Variants in PLPP4 observed in about 807,000 individuals in gnomAD.
PLPP4 encodes the protein diacylglycerol pyrophosphate like 2.
PLPP4 carries 20 observed loss-of-function variants against 32.2 expected under a neutral mutation model. The ratio of observed to expected loss-of-function variants is 0.62; its 90% CI spans 0.44 to 0.90. The LOEUF (loss-of-function observed/expected upper bound fraction) is 0.90, where lower values mean the gene tolerates loss of function less well. Among genes scored for constraint, PLPP4 ranks in the 40% least tolerant of loss-of-function variants. The probability of loss-of-function intolerance (pLI) is 0.00; values close to 1 mark genes in which losing one functional copy is unlikely to be tolerated. For missense variants in PLPP4, 257 were observed against 353.1 expected, an observed-to-expected ratio of 0.73 and a Z score of 2.18; for synonymous variants, 127 against 133.0, an observed-to-expected ratio of 0.95 and a Z score of 0.31.
rs1849991140 is a variant in PLPP4 at position 120,591,426 on chromosome 10, A to G, written c.*1924A>G. On this transcript the variant is annotated 3_prime_UTR_variant, in exon 7 of 7. Transcript: ENST00000398250. Reference sequence around the variant, plus strand: ...ATTATAGCAGTTACATTGGCAAGCAACTTTGAAGATGAATGTGAGATATTT... The same window carrying G: ...ATTATAGCAGTTACATTGGCAAGCAGCTTTGAAGATGAATGTGAGATATTT... 6.6e-6 allele frequency among the ~76,000 whole-genome samples: 1 copy of G among 152,230 alleles called. No individual in the cohort carries two copies. The highest frequency in any genetic ancestry group is 2.1e-4 in the South Asian group (1 of 4,830).
chr10:120,549,541 C>G (rs4523613), intron 5 of PLPP4, among the ~76,000 whole-genome samples: 56,809 of 151,474 alleles, frequency 0.38, 10,727 homozygotes, highest in East Asian at 0.55. Context: ...TAGGATAATC[C>G]TGATAACAAA....
At chr10:120,574,913 A>T (rs1166683677) in intron 5 of PLPP4, among the ~76,000 whole-genome samples, 3 of 152,174 alleles carry the variant, frequency 2.0e-5, no homozygotes, top group African/African-American at 4.8e-5. Flanking sequence ...GAAATAAAAT[A>T]GGTTTTGATC....
chr10:120,574,285 T>C (rs972173005), intron 5 of PLPP4, among the ~76,000 whole-genome samples: 3 of 149,550 alleles, frequency 2.0e-5, no homozygotes, highest in Admixed American at 1.3e-4. Flanking sequence ...TCAGTATTTT[T>C]TAAAGCTTCC....
intron 5 of PLPP4, among the ~76,000 whole-genome samples, chr10:120,537,350 C>T (rs371010455): frequency 2.0e-4 from 31 of 152,180 alleles, no homozygotes; most frequent in East Asian, 1.2e-3. Context: ...GAATATTATT[C>T]AGCTTCAAAA....
chr10:120,526,187 G>C (rs1846382614), intron 5 of PLPP4, among the ~76,000 whole-genome samples: 1 of 151,990 alleles, frequency 6.6e-6, no homozygotes, highest in South Asian at 2.1e-4. Flanking sequence ...GCTCTTTCTT[G>C]AACTCTGATT....
intron 5 of PLPP4, among the ~76,000 whole-genome samples, chr10:120,572,473 G>C (rs1189222488): frequency 6.6e-6 from 1 of 152,192 alleles, no homozygotes; most frequent in African/African-American, 2.4e-5. Context: ...GCTGCCCTAT[G>C]TTCATTGATT....
chr10:120,457,552 C>T (rs1847845305), intron 1 of PLPP4, among the ~76,000 whole-genome samples, 191 bp downstream of exon 1: 1 of 151,970 alleles, frequency 6.6e-6, no homozygotes, highest in African/African-American at 2.4e-5. Context: ...TCCTGGGACC[C>T]TAGGCGCGGA....
chr10:120,537,758 A>C (rs1342930315), intron 5 of PLPP4, among the ~76,000 whole-genome samples: 1 of 152,196 alleles, frequency 6.6e-6, no homozygotes, highest in Non-Finnish European at 1.5e-5. Flanking sequence ...GAATCTTTTC[A>C]CAATAAATAC....
At chr10:120,528,778 T>A (rs1007943640) in intron 5 of PLPP4, among the ~76,000 whole-genome samples, 1 of 152,182 alleles carries the variant, frequency 6.6e-6, no homozygotes, top group African/African-American at 2.4e-5. Flanking sequence ...CTCAACTTGT[T>A]GTTTTTTTGT....
intron 3 of PLPP4, among the ~76,000 whole-genome samples, chr10:120,518,239 T>C (rs556622264): frequency 6.6e-6 from 1 of 152,346 alleles, no homozygotes; most frequent in South Asian, 2.1e-4. Flanking sequence ...CTTGCTGTTT[T>C]AGATGGCAAA....
intron 5 of PLPP4, among the ~76,000 whole-genome samples, chr10:120,550,994 CT>C (rs2133985636): frequency 6.6e-6 from 1 of 152,108 alleles, no homozygotes; most frequent in Admixed American, 6.5e-5. Flanking sequence ...GTTCATATGT[CT>C]CAAAAGGACT....
rs1849950192 is a variant in PLPP4, at chr10:120,590,163, G to A, written c.*661G>A. 6.6e-6 allele frequency among the ~76,000 whole-genome samples: 1 copy of A among 152,204 alleles called. No individual in the cohort carries two copies. Among genetic ancestry groups the A allele is most frequent in the Non-Finnish European group, 1.5e-5 (1 of 68,034 alleles). ...CATGAGTGCATGTGTGGGGGATGAG[G>A]TCACAGCAGTTGCCTGAGGGTTCAT... On this transcript the variant is annotated 3_prime_UTR_variant, in exon 7 of 7. Coordinates refer to ENST00000398250, the MANE Select transcript of PLPP4 (RefSeq NM_001030059.3).
At chr10:120,460,312 G>C (rs555638575) in intron 1 of PLPP4, among the ~76,000 whole-genome samples, 46 of 152,266 alleles carry the variant, frequency 3.0e-4, no homozygotes, top group African/African-American at 1.1e-3. Flanking sequence ...GGCTTCTTCT[G>C]TCCTGCTGCT....
intron 5 of PLPP4, among the ~76,000 whole-genome samples, chr10:120,544,815 A>G (rs1361556691): frequency 6.6e-6 from 1 of 152,198 alleles, no homozygotes; most frequent in African/African-American, 2.4e-5. Flanking sequence ...AGGAGGGCCC[A>G]TTGGTTTGAG....
At chr10:120,559,334 G>A (rs1848312951) in intron 5 of PLPP4, among the ~76,000 whole-genome samples, 1 of 151,866 alleles carries the variant, frequency 6.6e-6, no homozygotes. Context: ...CACAAAAAAG[G>A]GAGATGTTTG....
chr10:120,482,110 C>T (rs1195535276), intron 1 of PLPP4, among the ~76,000 whole-genome samples: 9 of 152,232 alleles, frequency 5.9e-5, no homozygotes, highest in Middle Eastern at 6.8e-3. Flanking sequence ...AGTGTGAAAA[C>T]GGACTAATAC....
At chr10:120,557,500 C>G (rs983824581) in intron 5 of PLPP4, among the ~76,000 whole-genome samples, 1 of 152,170 alleles carries the variant, frequency 6.6e-6, no homozygotes, top group Admixed American at 6.5e-5. Flanking sequence ...GTTCATTGCA[C>G]TTGAATAATG....
chr10:120,514,034 G>A lies in PLPP4; in HGVS notation c.256+33G>A, dbSNP rs745900474. The A allele has an allele frequency of 3.4e-6, 5 of 1,453,162 alleles. No individual in the cohort carries two copies. In the South Asian group the frequency reaches 5.7e-5, roughly 17 times the overall value. The allele number at this position is 1,453,162 out of a possible 1,614,324, so 90.0% of individuals were successfully genotyped here. ...ATTCACAGTTCCTGCTTTAGGGAAT[G>A]GGGCTGACCTTAATTAGATGATCAC... On this transcript the variant is annotated intron_variant, in intron 3 of 6. Transcript: ENST00000398250.
At chr10:120,540,554 G>A (rs1009908135) in intron 5 of PLPP4, among the ~76,000 whole-genome samples, 2 of 152,260 alleles carry the variant, frequency 1.3e-5, no homozygotes, top group South Asian at 2.1e-4. Context: ...AAGAGGCATC[G>A]CATCCTCCTG....
Sources: gnomAD v4.1 joint callset for allele counts (sites outside exome capture counted in the v4.1 genomes callset) on GRCh38, gnomAD v4.1.1 for gene constraint, MANE v1.5 for transcripts, NCBI Gene and HGNC (gene_info 2026-07-23, HGNC 2026-07-21) for gene names.